The following SPG7 variants were observed in gnomAD, a reference collection of about 807,000 sequenced individuals.
SPG7 encodes SPG7 matrix AAA peptidase subunit, paraplegin.
SPG7 carries 103 observed loss-of-function variants against 81.9 expected under a neutral mutation model. The ratio of observed to expected loss-of-function variants is 1.26; its 90% CI spans 1.07 to 1.48. The LOEUF (loss-of-function observed/expected upper bound fraction) is 1.48, where lower values mean the gene tolerates loss of function less well. SPG7 is among the 40% of genes most tolerant of loss of function. SPG7 has a pLI of 0.00. For synonymous variants in SPG7, 534 were observed against 444.2 expected (o/e 1.20, Z -2.54); for missense variants, 1,241 against 1,087.3 (o/e 1.14, Z -1.99).
intron 4 of SPG7, among the ~76,000 whole-genome samples, 154 bp from the exon 5 acceptor site, chr16:89,526,175 G>A (rs1272756050): frequency 6.6e-6 from 1 of 152,088 alleles, no homozygotes; most frequent in Non-Finnish European, 1.5e-5. Flanking sequence ...TGGAACCGTC[G>A]TACGTTAGGA....
chr16:89,552,410 A>T (rs1032599288), intron 13 of SPG7: 1 of 166,382 alleles, frequency 6.0e-6, no homozygotes. Flanking sequence ...GAGCACTTGG[A>T]TGTGGCCATC....
At chr16:89,553,545 T>C (rs918065161) in intron 14 of SPG7, 1 of 563,180 alleles carries the variant, frequency 1.8e-6, no homozygotes, top group African/African-American at 1.9e-5. Flanking sequence ...AGAACTGCCA[T>C]GCAGTGAGCT....
chr16:89,522,612 G>C (rs187338455), intron 3 of SPG7: 1 of 152,592 alleles, frequency 6.6e-6, no homozygotes, highest in Non-Finnish European at 1.5e-5. Flanking sequence ...AGATGATGTC[G>C]TTCCCGCTGC....
chr16:89,531,279 C>G (rs367812014), intron 7 of SPG7: 1 of 262,244 alleles, frequency 3.8e-6, no homozygotes, highest in Admixed American at 4.8e-5. Flanking sequence ...GTCCTGGCAC[C>G]TCGGGGCGCT....
chr16:89,516,079 C>T (rs999184427), intron 3 of SPG7, among the ~76,000 whole-genome samples: 1 of 151,874 alleles, frequency 6.6e-6, no homozygotes, highest in Non-Finnish European at 1.5e-5. Context: ...CCTCTGCCTC[C>T]TGGGTTCCAG....
rs539544473 is a variant in SPG7 at position 89,554,356 on chromosome 16, G to A, written c.2104-130G>A. On this transcript the variant is annotated intron_variant, in intron 15 of 16. Transcript: ENST00000645818. ...TGGTCACAGGGGCAGGAGACCACCT[G>A]TCGGCTGAGGAGTCCTGTTCCTCCT... 3.8e-4 allele frequency: 278 copies of A among 727,366 alleles called. No individual in the cohort carries two copies. In the African/African-American group the frequency reaches 4.4e-3, roughly 12 times the overall value. The allele number at this position is 727,366 out of a possible 1,614,324, so 45.1% of individuals were successfully genotyped here.
chr16:89,547,698 C>T lies in SPG7; in HGVS notation c.1553-305C>T, dbSNP rs1567929240. ...CGTGATCTTGGCTCCCCGCAGCCTCCGCCTCCTGGGTTCAACCGATTTTCC... is the reference window on the plus strand; with the variant it reads ...CGTGATCTTGGCTCCCCGCAGCCTCTGCCTCCTGGGTTCAACCGATTTTCC... On this transcript the variant is annotated intron_variant, in intron 11 of 16. Transcript: ENST00000645818. 6 of 387,092 alleles carry T rather than the reference C, an allele frequency of 1.6e-5. No homozygotes were observed. The East Asian group carries it at 1.8e-4, about 12-fold the overall frequency. 24.0% of individuals were successfully genotyped at this position (387,092 alleles called of 1,614,324 possible). A position where few individuals can be genotyped will look rare whatever the true frequency, so the allele number is the denominator to read the frequency against.
At chr16:89,548,422 G>C (rs1232363361) in intron 12 of SPG7, 4 of 349,590 alleles carry the variant, frequency 1.1e-5, no homozygotes, top group Non-Finnish European at 2.2e-5. Context: ...AAAATGTCTT[G>C]CCAGCCTGGG....
chr16:89,537,904 C>A, intron 9 of SPG7: 1 of 459,796 alleles, frequency 2.2e-6, no homozygotes, highest in Non-Finnish European at 2.9e-6. Context: ...CGTGGACTGC[C>A]TGCCAGGTGG....
In SPG7 at chr16:89,508,429, G is replaced by A; in HGVS notation, c.12G>A (p.Leu4=). 2 of 1,492,542 alleles carry A rather than the reference G, an allele frequency of 1.3e-6. No individual in the cohort carries two copies. Among genetic ancestry groups the A allele is most frequent in the Non-Finnish European group, 1.8e-6 (2 of 1,128,100 alleles). The allele number at this position is 1,492,542 out of a possible 1,614,324, so 92.5% of individuals were successfully genotyped here. A position where few individuals can be genotyped will look rare whatever the true frequency, so the allele number is the denominator to read the frequency against. The change falls in exon 1 of 17, where the codon CTG becomes CTA. Residue 4 remains leucine (L), a synonymous_variant. Transcript: ENST00000645818. MAV[L]LLLLRALRRG... is the part of the protein sequence containing the mutation. Reference sequence around the variant, plus strand: ...GCTTTCAGGCCAACATGGCCGTGCTGCTGCTGCTGCTCCGTGCCCTCCGCC... The same window carrying A: ...GCTTTCAGGCCAACATGGCCGTGCTACTGCTGCTGCTCCGTGCCCTCCGCC...
intron 3 of SPG7, among the ~76,000 whole-genome samples, chr16:89,513,617 A>G (rs963024342): frequency 6.6e-6 from 1 of 152,184 alleles, no homozygotes; most frequent in African/African-American, 2.4e-5. Flanking sequence ...ACCTGTAGTC[A>G]TAGCTCAGGA....
intron 1 of SPG7, among the ~76,000 whole-genome samples, chr16:89,510,131 C>T (rs1312607428): frequency 1.3e-5 from 2 of 151,960 alleles, no homozygotes; most frequent in African/African-American, 2.4e-5. Flanking sequence ...TGCACCACCA[C>T]GCCCGGCTAA....
Position 89,510,514 on chromosome 16 carries a change from C to G in SPG7, c.208C>G (p.Pro70Ala). 1 of 1,610,358 alleles carries G rather than the reference C, an allele frequency of 6.2e-7. No individual in the cohort carries two copies. Among genetic ancestry groups the G allele is most frequent in the Non-Finnish European group, 8.5e-7 (1 of 1,177,700 alleles). ...GAGCTTACAATTGAGACTGCTAACC[C>G]CTACCTTTGAAGGGATCAACGGATT... ...LQSLQLRLLT[P>A]TFEGINGLLL... Residue 70 changes from proline to alanine, a missense_variant, in exon 2 of 17, where the codon CCT becomes GCT. Pro to Ala is a conservative substitution (Grantham distance 27). Coordinates refer to ENST00000645818, the MANE Select transcript of SPG7 (RefSeq NM_003119.4).
chr16:89,529,611 C>G lies in SPG7; in HGVS notation c.861+32C>G, dbSNP rs1050735845. On this transcript the variant is annotated intron_variant, in intron 6 of 16. Transcript: ENST00000645818. ...TCTGTAAATCAGAGCTCTCTGAACT[C>G]TTTCTGGTTTGTGTTTGCTGAATAC... The G allele has an allele frequency of 5.4e-6, 8 of 1,481,494 alleles. No individual in the cohort carries two copies. In the African/African-American group the frequency reaches 6.9e-5, roughly 13 times the overall value. The allele number at this position is 1,481,494 out of a possible 1,614,324, so 91.8% of individuals were successfully genotyped here.
intron 1 of SPG7, among the ~76,000 whole-genome samples, chr16:89,509,330 A>C (rs1247493788): frequency 6.6e-6 from 1 of 151,540 alleles, no homozygotes. Flanking sequence ...GGCTCACTGC[A>C]ACCTCCGCCT....
intron 16 of SPG7, chr16:89,555,829 G>A (rs2058682318): frequency 2.5e-6 from 1 of 398,706 alleles, no homozygotes; most frequent in African/African-American, 2.1e-5. Flanking sequence ...CAGATGGGTA[G>A]GCAGTGGATA....
In SPG7 at chr16:89,530,483, TACTA is replaced by T. The variant is rs1290522679; in HGVS notation, c.862-198_862-195del. On this transcript the variant is annotated intron_variant, in intron 6 of 16. Coordinates refer to ENST00000645818, the MANE Select transcript of SPG7 (RefSeq NM_003119.4). The stretch of plus-strand genomic sequence containing the variant: ...AAAGCAAATTGCTAGATAAGTTTCT[TACTA>T]ATTAATGACGAAACATTTCCCTTCT... The T allele has an allele frequency of 1.5e-5, 10 of 659,600 alleles. No individual in the cohort carries two copies. In the East Asian group the frequency reaches 2.4e-4, roughly 16 times the overall value. The allele number at this position is 659,600 out of a possible 1,614,324, so 40.9% of individuals were successfully genotyped here.
At chr16:89,547,961 C>G in intron 11 of SPG7, 42 bp from the exon 12 acceptor site, 1 of 1,496,774 alleles carries the variant, frequency 6.7e-7, no homozygotes, top group East Asian at 2.3e-5. Context: ...GCCCTGATAG[C>G]AGAAACCCAC....
intron 9 of SPG7, chr16:89,541,506 G>A: frequency 5.1e-6 from 1 of 196,346 alleles, no homozygotes; most frequent in Non-Finnish European, 9.2e-6. Flanking sequence ...GTGTCTTGAG[G>A]GGAGATGCTC....
Sources: allele counts gnomAD v4.1 joint callset (sites outside exome capture counted in the v4.1 genomes callset), GRCh38; gene constraint gnomAD v4.1.1; transcripts MANE v1.5; gene names NCBI Gene and HGNC (gene_info 2026-07-23, HGNC 2026-07-21).